The following MIR2052HG variants were observed in gnomAD, a reference collection of about 807,000 sequenced individuals.
MIR2052HG encodes MIR2052 host gene.
At chr8:74,718,514 C>G (rs1809543011) in intron 4 of MIR2052HG, among the ~76,000 whole-genome samples, 1 of 152,140 alleles carries the variant, frequency 6.6e-6, no homozygotes, top group African/African-American at 2.4e-5. Context: ...GGGCATACTT[C>G]TTCCTTTTAA....
At chr8:74,719,887 C>T (rs1333003845) in intron 4 of MIR2052HG, among the ~76,000 whole-genome samples, 5 of 114,022 alleles carry the variant, frequency 4.4e-5, no homozygotes, top group African/African-American at 1.7e-4. Context: ...CTTGCTCTGT[C>T]GCCAGGCTGG....
chr8:74,704,748 T>C (rs1310145141), intron 4 of MIR2052HG, among the ~76,000 whole-genome samples: 4 of 152,128 alleles, frequency 2.6e-5, no homozygotes, highest in African/African-American at 7.2e-5. Flanking sequence ...ATCTCCCAAA[T>C]GGTTTATCTT....
At chr8:74,658,804 A>G (rs897254424) in intron 2 of MIR2052HG, among the ~76,000 whole-genome samples, 6 of 152,202 alleles carry the variant, frequency 3.9e-5, no homozygotes, top group Non-Finnish European at 8.8e-5. Flanking sequence ...ATTAAAGGCA[A>G]ACAGAATCTC....
chr8:74,718,668 T>C (rs1388849585), intron 4 of MIR2052HG, among the ~76,000 whole-genome samples: 2 of 152,120 alleles, frequency 1.3e-5, no homozygotes, highest in African/African-American at 4.8e-5. Flanking sequence ...ACCACAGACA[T>C]AGTTCTGGAG....
intron 2 of MIR2052HG, among the ~76,000 whole-genome samples, chr8:74,697,258 C>G (rs1041116522): frequency 6.6e-6 from 1 of 152,096 alleles, no homozygotes; most frequent in East Asian, 1.9e-4. Flanking sequence ...TCAGAAAAAG[C>G]ATTTGACAAA....
intron 2 of MIR2052HG, among the ~76,000 whole-genome samples, chr8:74,616,307 A>T (rs1426104025): frequency 6.6e-6 from 1 of 151,236 alleles, no homozygotes; most frequent in East Asian, 2.0e-4. Flanking sequence ...TCGCCATTCT[A>T]ACTGGTGTGA....
chr8:74,660,477 A>G (rs1044705739), intron 2 of MIR2052HG, among the ~76,000 whole-genome samples: 3 of 152,354 alleles, frequency 2.0e-5, no homozygotes, highest in African/African-American at 7.2e-5. Context: ...CGGGTGGTTC[A>G]GGCTTCAGTG....
chr8:74,644,196 C>T (rs1265136527), intron 2 of MIR2052HG, among the ~76,000 whole-genome samples: 1 of 152,084 alleles, frequency 6.6e-6, no homozygotes, highest in Non-Finnish European at 1.5e-5. Context: ...TTAGGAAGAA[C>T]AAAATATAGT....
chr8:74,635,122 A>T (rs1447559426), intron 2 of MIR2052HG, among the ~76,000 whole-genome samples: 2 of 152,144 alleles, frequency 1.3e-5, no homozygotes, highest in African/African-American at 4.8e-5. Flanking sequence ...CCAAAAGGGT[A>T]TTATGGTCTC....
chr8:74,633,189 G>A (rs1808540061), intron 2 of MIR2052HG: 1 of 151,958 alleles, frequency 6.6e-6, no homozygotes. Context: ...CTGGCTAATG[G>A]TTTTCTTTTT....
intron 2 of MIR2052HG, among the ~76,000 whole-genome samples, chr8:74,669,014 A>G (rs1808962029): frequency 1.3e-5 from 2 of 152,186 alleles, no homozygotes; most frequent in African/African-American, 2.4e-5. Context: ...GTGACTCCTG[A>G]TGAACCCAAC....
Position 74,678,504 on chromosome 8 carries a change from G to T in MIR2052HG, n.217-23875G>T, listed in dbSNP as rs1376953330. ...CTTGAACTTGGGAGGTGGAGGTTGC[G>T]GTGAGCTGAGATTGTGCCATTGCAC... On this transcript the variant is annotated intron_variant and non_coding_transcript_variant, in intron 2 of 6. Transcript: ENST00000523442. 2.0e-5 allele frequency among the ~76,000 whole-genome samples: 3 copies of T among 149,266 alleles called. No individual in the cohort carries two copies. In the South Asian group the frequency reaches 6.4e-4, roughly 32 times the overall value.
At chr8:74,733,962 A>G (rs369758897) in intron 4 of MIR2052HG, among the ~76,000 whole-genome samples, 4 of 152,262 alleles carry the variant, frequency 2.6e-5, no homozygotes, top group East Asian at 3.8e-4. Flanking sequence ...AGCAATGGCA[A>G]CAAAAGCCAA....
intron 4 of MIR2052HG, among the ~76,000 whole-genome samples, chr8:74,743,905 G>T (rs1410540432): frequency 6.6e-6 from 1 of 152,170 alleles, no homozygotes; most frequent in Non-Finnish European, 1.5e-5. Context: ...ATCACCATGA[G>T]CAAGAGTCAG....
intron 2 of MIR2052HG, among the ~76,000 whole-genome samples, chr8:74,699,131 G>A (rs1282823711): frequency 6.6e-6 from 1 of 152,074 alleles, no homozygotes; most frequent in Non-Finnish European, 1.5e-5. Flanking sequence ...TGGATGTAGT[G>A]AAAAGGGAAT....
chr8:74,717,283 C>T (rs1206789313), intron 4 of MIR2052HG, among the ~76,000 whole-genome samples: 2 of 152,010 alleles, frequency 1.3e-5, no homozygotes, highest in Admixed American at 6.6e-5. Context: ...TGTGTTAGCT[C>T]GCTGAGGATG....
chr8:74,752,100 G>A (rs963347657), intron 4 of MIR2052HG, among the ~76,000 whole-genome samples: 14 of 151,764 alleles, frequency 9.2e-5, no homozygotes, highest in Non-Finnish European at 1.5e-5. Context: ...GGGCAACATA[G>A]TGAAACCCCC....
At chr8:74,701,878 C>T (rs1053439082) in intron 2 of MIR2052HG, among the ~76,000 whole-genome samples, 27 of 152,038 alleles carry the variant, frequency 1.8e-4, no homozygotes, top group Admixed American at 4.6e-4. Flanking sequence ...AGTTAATGTC[C>T]GGTGAGTTTC....
intron 2 of MIR2052HG, among the ~76,000 whole-genome samples, chr8:74,652,625 A>T (rs372196865): frequency 4.6e-5 from 7 of 152,318 alleles, no homozygotes; most frequent in African/African-American, 1.7e-4. Context: ...GTGATATCTC[A>T]CAATTTTAAA....
Sources: allele counts gnomAD v4.1 joint callset (sites outside exome capture counted in the v4.1 genomes callset), GRCh38; gene constraint gnomAD v4.1.1; transcripts MANE v1.5; gene names NCBI Gene and HGNC (gene_info 2026-07-23, HGNC 2026-07-21).